SCFD1: variants seen among roughly 807,000 people sequenced by gnomAD.
SCFD1 encodes the protein sec1 family domain-containing protein 1.
A neutral mutation model predicts 103.2 loss-of-function variants in SCFD1; 37 were observed. That is an observed-to-expected ratio of 0.36 (90% CI 0.28 to 0.47). The LOEUF (loss-of-function observed/expected upper bound fraction) is 0.47. SCFD1 is among the 20% of genes least tolerant of loss of function. SCFD1 has a pLI of 1.00. For synonymous variants in SCFD1, 264 were observed against 245.0 expected (o/e 1.08, Z -0.73); for missense variants, 639 against 761.2 (o/e 0.84, Z 1.89).
At chr14:30,658,716 C>G (rs1887150969) in intron 10 of SCFD1, among the ~76,000 whole-genome samples, 1 of 152,112 alleles carries the variant, frequency 6.6e-6, no homozygotes, top group Non-Finnish European at 1.5e-5. Flanking sequence ...ATGCACCTAG[C>G]TAAGGTTATA....
chr14:30,622,552 T>C (rs229143), intron 1 of SCFD1, 153 bp downstream of exon 1: 1 of 1,344,678 alleles, frequency 7.4e-7, no homozygotes, highest in Admixed American at 2.9e-5. Context: ...TGGGGAGAAG[T>C]TGCCATTAGC....
chr14:30,735,848 T>TAAC (rs1055862186), exon 25 of SCFD1: 7 of 388,286 alleles, frequency 1.8e-5, no homozygotes, highest in South Asian at 1.9e-4. Context: ...ACTAATATAA[T>TAAC]AACTAATAGG....
intron 3 of SCFD1, among the ~76,000 whole-genome samples, chr14:30,631,082 G>A (rs144971415): frequency 9.2e-5 from 14 of 152,224 alleles, no homozygotes; most frequent in South Asian, 6.2e-4. Flanking sequence ...AACCGGGCAC[G>A]GTGGCTCACG....
At chr14:30,733,429 C>T (rs1893623118) in intron 23 of SCFD1, among the ~76,000 whole-genome samples, 1 of 152,230 alleles carries the variant, frequency 6.6e-6, no homozygotes, top group Non-Finnish European at 1.5e-5. Flanking sequence ...ATTACACCTA[C>T]ACTTCATTGG....
In SCFD1 at chr14:30,683,529, A is replaced by T. The variant is rs17097097; in HGVS notation, c.1242+8464A>T. 4.9e-3 allele frequency: 1,448 copies of T among 296,018 alleles called. 24 individuals are homozygous for T. Among genetic ancestry groups the T allele is most frequent in the African/African-American group, 0.03 (1,322 of 43,968 alleles). The allele number at this position is 296,018 out of a possible 1,614,324, so 18.3% of individuals were successfully genotyped here. On this transcript the variant is annotated intron_variant, in intron 14 of 24. Coordinates refer to ENST00000458591, the MANE Select transcript of SCFD1 (RefSeq NM_016106.4). Reference sequence around the variant, plus strand: ...CCCATGGGACCCCCAGCGGCACCCCAGCTTGGCTCTGCTCCTTTGTGGGAG... The same window carrying T: ...CCCATGGGACCCCCAGCGGCACCCCTGCTTGGCTCTGCTCCTTTGTGGGAG...
intron 24 of SCFD1, 155 bp downstream of exon 24, chr14:30,735,013 A>T (rs887541429): frequency 2.6e-5 from 15 of 583,688 alleles, no homozygotes; most frequent in African/African-American, 1.9e-4. Context: ...TGGACGACTA[A>T]GAAAACCTTG....
Position 30,673,333 on chromosome 14 carries a change from C to T in SCFD1, c.1072C>T (p.Leu358Phe), listed in dbSNP as rs1347114152. The T allele has an allele frequency of 6.4e-7, 1 of 1,553,286 alleles. No homozygotes were observed. The highest frequency in any genetic ancestry group is 1.7e-5 in the Admixed American group (1 of 57,204). The change falls in exon 12 of 25, where the codon CTT (leucine) becomes TTT (phenylalanine). Residue 358 changes from leucine (L) to phenylalanine (F), a missense_variant. Coordinates refer to ENST00000458591, the MANE Select transcript of SCFD1 (RefSeq NM_016106.4). ...AGCACAGGAAGATGAGGTCAAACGA[C>T]TTAAAAGCATTATGGTAAGATTCTA... ...YRAQEDEVKR[L>F]KSIMGLEGED...
intron 23 of SCFD1, among the ~76,000 whole-genome samples, chr14:30,723,884 G>C (rs1401170874): frequency 6.6e-6 from 1 of 151,992 alleles, no homozygotes; most frequent in Non-Finnish European, 1.5e-5. Context: ...CTTTATAATA[G>C]AATGATTTAT....
intron 10 of SCFD1, among the ~76,000 whole-genome samples, chr14:30,664,183 A>G (rs1193759014): frequency 2.0e-5 from 3 of 152,150 alleles, no homozygotes; most frequent in South Asian, 2.1e-4. Context: ...TTCCAGAGGA[A>G]GGATCAGGCA....
intron 3 of SCFD1, among the ~76,000 whole-genome samples, chr14:30,632,300 C>T (rs1357310384): frequency 6.6e-6 from 1 of 152,062 alleles, no homozygotes; most frequent in African/African-American, 2.4e-5. Context: ...TCAAATTCTT[C>T]AGTTGTATAA....
intron 23 of SCFD1, among the ~76,000 whole-genome samples, chr14:30,732,610 T>C (rs552443873): frequency 2.0e-5 from 3 of 152,304 alleles, no homozygotes; most frequent in South Asian, 4.1e-4. Flanking sequence ...TAGAAACCTG[T>C]GTCAGTACAG....
intron 10 of SCFD1, among the ~76,000 whole-genome samples, chr14:30,664,738 C>T (rs1370065554): frequency 4.6e-5 from 7 of 152,074 alleles, no homozygotes; most frequent in Admixed American, 2.0e-4. Flanking sequence ...ACGAGAACTA[C>T]GTGATGCATG....
intron 5 of SCFD1, among the ~76,000 whole-genome samples, chr14:30,639,171 AC>A (rs1885025062): frequency 6.6e-6 from 1 of 151,832 alleles, no homozygotes; most frequent in African/African-American, 2.4e-5. Context: ...GTACCACCCC[AC>A]CCAGCTAATT....
intron 14 of SCFD1, among the ~76,000 whole-genome samples, chr14:30,684,262 C>T (rs1889742487): frequency 6.6e-6 from 1 of 152,180 alleles, no homozygotes; most frequent in East Asian, 1.9e-4. Flanking sequence ...CCTCATGCCT[C>T]AACTTCCTGA....
chr14:30,630,632 AGGTT>A, intron 3 of SCFD1, 67 bp downstream of exon 3: 5 of 958,720 alleles, frequency 5.2e-6, no homozygotes, highest in Non-Finnish European at 8.4e-6. Flanking sequence ...AAATAGTGTT[AGGTT>A]ACAGTATTTA....
chr14:30,695,628 G>A (rs1464432508), intron 15 of SCFD1, among the ~76,000 whole-genome samples: 1 of 152,128 alleles, frequency 6.6e-6, no homozygotes, highest in East Asian at 1.9e-4. Context: ...CAGTACTTTG[G>A]GAGCTTGAGG....
At chr14:30,622,850 A>G (rs892342919) in intron 1 of SCFD1, among the ~76,000 whole-genome samples, 1 of 152,164 alleles carries the variant, frequency 6.6e-6, no homozygotes, top group African/African-American at 2.4e-5. Flanking sequence ...ACTTCGGACC[A>G]GTCTTTTGGG....
Position 30,719,307 on chromosome 14 carries a change from T to A in SCFD1, c.1684-18T>A, listed in dbSNP as rs1279912909. 7.7e-6 allele frequency: 12 copies of A among 1,548,956 alleles called. No individual in the cohort carries two copies. The highest frequency in any genetic ancestry group is 9.7e-6 in the Non-Finnish European group (11 of 1,132,490). ...GAGAAATTCCACAGTCATGGTAAAG[T>A]TCTATTTTTTTTAATAGGAAACTGA... On this transcript the variant is annotated intron_variant, in intron 20 of 24. Transcript: ENST00000458591.
rs148399454 is a variant in SCFD1 at position 30,718,963 on chromosome 14, C to T, written c.1684-362C>T. Among the ~76,000 whole-genome samples, 15 of 152,320 alleles carry T rather than the reference C, an allele frequency of 9.8e-5. No homozygotes were observed. The East Asian group carries it at 2.7e-3, about 27-fold the overall frequency. ...ACACTCCAGAAGAGAATTAGTTTCT[C>T]TGGCATGGTAATTAAGAACTTGGGC... On this transcript the variant is annotated intron_variant, in intron 20 of 24. Coordinates refer to ENST00000458591, the MANE Select transcript of SCFD1 (RefSeq NM_016106.4).
Sources: gnomAD v4.1 joint callset for allele counts (sites outside exome capture counted in the v4.1 genomes callset) on GRCh38, gnomAD v4.1.1 for gene constraint, MANE v1.5 for transcripts, NCBI Gene and HGNC (gene_info 2026-07-23, HGNC 2026-07-21) for gene names.